Variants in UBR1 observed in about 807,000 individuals in gnomAD.
UBR1 encodes ubiquitin protein ligase E3 component n-recognin 1, also known as E3 ubiquitin-protein ligase UBR1.
A neutral mutation model predicts 242.1 loss-of-function variants in UBR1; 102 were observed. The ratio of observed to expected loss-of-function variants is 0.42; its 90% CI spans 0.36 to 0.50. The LOEUF is 0.50. UBR1 is among the 20% of genes least tolerant of loss of function. The pLI is 0.01. For missense variants in UBR1, 1,772 were observed against 2,101.8 expected (o/e 0.84, Z 3.07); for synonymous variants, 675 against 684.8 (o/e 0.99, Z 0.22).
intron 32 of UBR1, among the ~76,000 whole-genome samples, chr15:42,999,785 C>T (rs968310428): frequency 6.6e-6 from 1 of 151,590 alleles, no homozygotes; most frequent in African/African-American, 2.4e-5. Flanking sequence ...GCTAAGATCA[C>T]ACCACTGCAC....
rs770563187 is a variant in UBR1 at position 43,054,868 on chromosome 15, A to G, written c.1313T>C (p.Ile438Thr). The change falls in exon 12 of 47, where the codon ATC (isoleucine) becomes ACC (threonine). Residue 438 changes from isoleucine (I) to threonine (T), a missense_variant. Coordinates refer to ENST00000290650, the MANE Select transcript of UBR1 (RefSeq NM_174916.3). ...ARHLIEEQNV[I>T]SVITETLLEV... The stretch of plus-strand genomic sequence containing the variant: ...TAGCAGAGTTTCAGTAATGACAGAG[A>G]TAACATTCTGCTCTTCAATAAGATG... 3.1e-6 allele frequency: 5 copies of G among 1,614,184 alleles called. No individual in the cohort carries two copies. Among genetic ancestry groups the G allele is most frequent in the East Asian group, 2.2e-5 (1 of 44,864 alleles).
At chr15:43,022,667 T>G (rs368776997) in intron 26 of UBR1, 35 bp downstream of exon 26, 103 of 1,446,810 alleles carry the variant, frequency 7.1e-5, no homozygotes, top group Non-Finnish European at 9.8e-5. Flanking sequence ...AGACTTTCAA[T>G]GACAAATGTG....
intron 6 of UBR1, among the ~76,000 whole-genome samples, chr15:43,060,324 A>G (rs2033668773): frequency 6.6e-6 from 1 of 152,244 alleles, no homozygotes; most frequent in Non-Finnish European, 1.5e-5. Flanking sequence ...TAGGACAGAC[A>G]GTCTATAGTT....
At position 42,969,137 on chromosome 15, in the gene UBR1, G is replaced by T. The variant is rs377543630; in HGVS notation, c.4457+1383C>A. Among the ~76,000 whole-genome samples, 22 of 152,162 alleles carry T rather than the reference G, an allele frequency of 1.4e-4. 1 individual carries two copies. The highest frequency in any genetic ancestry group is 1.2e-3 in the East Asian group (6 of 5,198). On this transcript the variant is annotated intron_variant, in intron 40 of 46. Transcript: ENST00000290650. ...GAACTAATTTACACTCCCACCAACA[G>T]TGTAAAAGTGTTCCTATTTCTCCAC... is the stretch of plus-strand genomic sequence containing the variant.
At chr15:43,053,906 A>T (rs968156938) in intron 12 of UBR1, among the ~76,000 whole-genome samples, 1 of 150,732 alleles carries the variant, frequency 6.6e-6, no homozygotes, top group Non-Finnish European at 1.5e-5. Context: ...TGCTCACTAC[A>T]ACCTCCACCT....
chr15:43,047,092 T>C, intron 14 of UBR1, 69 bp downstream of exon 14: 5 of 1,574,998 alleles, frequency 3.2e-6, no homozygotes, highest in Non-Finnish European at 4.4e-6. Context: ...AGCTGCAACA[T>C]AAAACTATAC....
chr15:43,068,965 C>T (rs1380504182), intron 5 of UBR1, among the ~76,000 whole-genome samples: 1 of 152,178 alleles, frequency 6.6e-6, no homozygotes, highest in African/African-American at 2.4e-5. Flanking sequence ...AACCTTGAAG[C>T]AAGCAATGAT....
chr15:42,952,807 G>A (rs112380298), intron 44 of UBR1, among the ~76,000 whole-genome samples: 1 of 152,134 alleles, frequency 6.6e-6, no homozygotes, highest in Non-Finnish European at 1.5e-5. Flanking sequence ...TCTGTATTGT[G>A]TTAGTCAAGC....
At chr15:42,981,062 T>G (rs2032370551) in intron 37 of UBR1, among the ~76,000 whole-genome samples, 2 of 151,678 alleles carry the variant, frequency 1.3e-5, no homozygotes, top group African/African-American at 4.8e-5. Flanking sequence ...ACGTCTTCCC[T>G]AATTCCTGCT....
intron 2 of UBR1, among the ~76,000 whole-genome samples, chr15:43,084,061 A>G (rs535693874): frequency 1.6e-4 from 25 of 152,262 alleles, no homozygotes; most frequent in African/African-American, 5.3e-4. Flanking sequence ...CAAACAAACA[A>G]ACAAAAAACA....
At chr15:42,954,412 G>A (rs1247478766) in intron 44 of UBR1, among the ~76,000 whole-genome samples, 2 of 152,132 alleles carry the variant, frequency 1.3e-5, no homozygotes, top group Non-Finnish European at 1.5e-5. Flanking sequence ...CTGTAACAGT[G>A]GCTAGGGTGT....
intron 14 of UBR1, 111 bp downstream of exon 14, chr15:43,047,050 T>G (rs1431481310): frequency 7.9e-7 from 1 of 1,260,694 alleles, no homozygotes; most frequent in African/African-American, 1.5e-5. Context: ...TGTAAAAAGC[T>G]ACTATAAATA....
intron 33 of UBR1, 49 bp from the exon 34 acceptor site, chr15:42,990,169 C>T (rs766571809): frequency 3.1e-6 from 4 of 1,286,930 alleles, no homozygotes; most frequent in South Asian, 2.5e-5. Context: ...TGAGTTTAGT[C>T]TGACATACAG....
intron 5 of UBR1, among the ~76,000 whole-genome samples, chr15:43,068,309 CTCCTAAGTA>C (rs1456608518): frequency 6.6e-6 from 1 of 150,922 alleles, no homozygotes; most frequent in East Asian, 2.0e-4. Context: ...CCACCTCAGC[CTCCTAAGTA>C]TCTGAGACTG....
intron 6 of UBR1, among the ~76,000 whole-genome samples, chr15:43,061,509 A>T (rs1294987091): frequency 6.6e-6 from 1 of 152,032 alleles, no homozygotes; most frequent in Non-Finnish European, 1.5e-5. Flanking sequence ...AGAAACTGTG[A>T]TAGATATAGA....
intron 1 of UBR1, among the ~76,000 whole-genome samples, chr15:43,105,182 A>C (rs190648787): frequency 6.6e-6 from 1 of 152,210 alleles, no homozygotes; most frequent in African/African-American, 2.4e-5. Flanking sequence ...TATTTTCTAC[A>C]TATCTCCACA....
chr15:43,093,569 C>A (rs1353715331), intron 1 of UBR1, among the ~76,000 whole-genome samples: 3 of 151,930 alleles, frequency 2.0e-5, no homozygotes. Flanking sequence ...TCACTGGAGC[C>A]CAGAAGTTCA....
At chr15:43,036,626 G>C (rs763582579) in intron 17 of UBR1, 33 bp from the exon 18 acceptor site, 2 of 1,424,234 alleles carry the variant, frequency 1.4e-6, no homozygotes, top group Admixed American at 3.5e-5. Flanking sequence ...AATCCTAAAA[G>C]AATTATTTTA....
At chr15:43,035,279 GA>G (rs533682806) in intron 19 of UBR1, among the ~76,000 whole-genome samples, 30 of 152,176 alleles carry the variant, frequency 2.0e-4, no homozygotes, top group African/African-American at 7.0e-4. Context: ...TTTTTCATGT[GA>G]TTTTTTTTCT....
Sources: gnomAD v4.1 joint callset for allele counts (sites outside exome capture counted in the v4.1 genomes callset) on GRCh38, gnomAD v4.1.1 for gene constraint, MANE v1.5 for transcripts, NCBI Gene and HGNC (gene_info 2026-07-23, HGNC 2026-07-21) for gene names.